The following NEB variants were observed in gnomAD, a reference collection of about 807,000 sequenced individuals.
NEB encodes nebulin.
NEB carries 512 observed loss-of-function variants against 952.2 expected under a neutral mutation model. That is an observed-to-expected ratio of 0.54 (90% CI 0.50 to 0.58). The LOEUF (loss-of-function observed/expected upper bound fraction) is 0.58, where lower values mean the gene tolerates loss of function less well. Ranked by LOEUF, NEB falls within the 20% of genes least tolerant of loss-of-function variation. The probability of loss-of-function intolerance (pLI) is 0.00; values close to 1 mark genes in which losing one functional copy is unlikely to be tolerated. For missense variants in NEB, 8,428 were observed against 9,231.1 expected (o/e 0.91, Z 3.56); for synonymous variants, 2,900 against 3,149.8 (o/e 0.92, Z 2.66).
rs2069565895 is a variant in NEB, at chr2:151,506,978, T to A, written c.23487A>T (p.Gly7829=). ...QYQCDLKNSK[G]KITVVQDTPE... is the part of the protein sequence containing the mutation. The stretch of plus-strand genomic sequence containing the variant: ...GCGTGTCTTGAACAACTGTAATTTT[T>A]CCTTTACTGTTTTTAAGGTCACACT... The change falls in exon 163 of 182, where the codon GGA becomes GGT. Residue 7829 remains glycine, a synonymous_variant. Coordinates refer to ENST00000397345, the MANE Select transcript of NEB (RefSeq NM_001164508.2). 3.7e-6 allele frequency: 6 copies of A among 1,610,430 alleles called. No homozygotes were observed. The highest frequency in any genetic ancestry group is 5.1e-6 in the Non-Finnish European group (6 of 1,177,568).
intron 120 of NEB, 65 bp downstream of exon 120, chr2:151,562,545 TG>T (rs1486340649): frequency 4.3e-6 from 6 of 1,410,248 alleles, no homozygotes; most frequent in Non-Finnish European, 4.8e-6. Context: ...CAGCCAGGGT[TG>T]GGGGGTAGCC....
chr2:151,664,722 C>A (rs761680491), intron 43 of NEB, 37 bp downstream of exon 43: 2 of 1,560,688 alleles, frequency 1.3e-6, no homozygotes, highest in South Asian at 1.1e-5. Flanking sequence ...TTCCCTTTAA[C>A]CTTCTCCCCA....
intron 178 of NEB, 55 bp downstream of exon 178, chr2:151,492,042 GT>G (rs963301280): frequency 1.3e-6 from 2 of 1,546,872 alleles, no homozygotes; most frequent in East Asian, 4.5e-5. Flanking sequence ...TGCTACTTTT[GT>G]TCTTCTACCC....
rs575377770 is a variant in NEB, at chr2:151,715,739, T to C, written c.822+1677A>G. 2.0e-5 allele frequency among the ~76,000 whole-genome samples: 3 copies of C among 152,320 alleles called. No homozygotes were observed. In the South Asian group the frequency reaches 6.2e-4, roughly 32 times the overall value. On this transcript the variant is annotated intron_variant, in intron 10 of 181. Transcript: ENST00000397345. ...TCTATTGTTTAAGCCACCCAATGTATGGTATTTTGTTGTAGAAGCCCAAGC... is the reference window on the plus strand; with the variant it reads ...TCTATTGTTTAAGCCACCCAATGTACGGTATTTTGTTGTAGAAGCCCAAGC...
rs190843599 is a variant in NEB, at chr2:151,650,546, T to A, written c.7227+28A>T. Reference sequence around the variant, plus strand: ...CTCATATAAAATATGAATTAATATATAAACTATTGGATTTAATAGAAACTG... The same window carrying A: ...CTCATATAAAATATGAATTAATATAAAAACTATTGGATTTAATAGAAACTG... On this transcript the variant is annotated intron_variant, in intron 53 of 181. Coordinates refer to ENST00000397345, the MANE Select transcript of NEB (RefSeq NM_001164508.2). 3.3e-6 allele frequency: 5 copies of A among 1,525,234 alleles called. No homozygotes were observed. The African/African-American group carries it at 7.0e-5, about 21-fold the overall frequency. The allele number at this position is 1,525,234 out of a possible 1,614,324, so 94.5% of individuals were successfully genotyped here.
chr2:151,730,616 G>GAAAAAA (rs869176689), intron 3 of NEB, among the ~76,000 whole-genome samples: 1 of 124,276 alleles, frequency 8.0e-6, no homozygotes, highest in East Asian at 2.6e-4. Flanking sequence ...ATTTCTTAGT[G>GAAAAAA]AAAAAAAAAA....
chr2:151,519,808 C>T, intron 153 of NEB, 40 bp from the exon 154 acceptor site: 1 of 1,363,332 alleles, frequency 7.3e-7, no homozygotes, highest in Non-Finnish European at 1.0e-6. Context: ...TCCTGGACAT[C>T]AATCAATTTG....
At position 151,501,462 on chromosome 2, in the gene NEB, T is replaced by C; in HGVS notation, c.23950A>G (p.Ser7984Gly). The change falls in exon 168 of 182, where the codon AGC becomes GGC. Residue 7984 changes from serine (S) to glycine (G), a missense_variant. Ser to Gly is a moderately conservative substitution (Grantham distance 56). Transcript: ENST00000397345. ...FSSILYKENL[S>G]KGTPLPVTPE... is the part of the protein sequence containing the mutation. ...GTGACAGGTAGGGGAGTCCCCTTGC[T>C]CAAGTTCTCTTTGTACAATATCTGT... is the stretch of plus-strand genomic sequence containing the variant. 1 of 1,529,288 alleles carries C rather than the reference T, an allele frequency of 6.5e-7. No individual in the cohort carries two copies. The highest frequency in any genetic ancestry group is 8.8e-7 in the Non-Finnish European group (1 of 1,135,264). The allele number at this position is 1,529,288 out of a possible 1,614,324, so 94.7% of individuals were successfully genotyped here. A position where few individuals can be genotyped will look rare whatever the true frequency, so the allele number is the denominator to read the frequency against.
Position 151,664,515 on chromosome 2 carries a change from C to G in NEB, c.5437G>C (p.Asp1813His). Residue 1813 changes from aspartate (D) to histidine (H), a missense_variant, in exon 44 of 182, where the codon GAC becomes CAC. Around this residue, in one of 11 missense-constraint regions of NEB, gnomAD observed 2,851 missense variants for 2,791.5 expected, o/e 1.02. Transcript: ENST00000397345. ...IAIKAARASR[D>H]IASDYKYKKA... The stretch of plus-strand genomic sequence containing the variant: ...CAAGCACTTACATCACTGGCAATGT[C>G]TCTAGAGGCTCTTGCAGCCTTTATT... 6.3e-7 allele frequency: 1 copy of G among 1,592,646 alleles called. No homozygotes were observed. Among genetic ancestry groups the G allele is most frequent in the South Asian group, 1.2e-5 (1 of 86,250 alleles).
At chr2:151,562,243 G>A (rs1275417782) in intron 120 of NEB, 29 bp from the exon 121 acceptor site, 5 of 1,517,156 alleles carry the variant, frequency 3.3e-6, no homozygotes, top group Admixed American at 3.3e-5. Context: ...AATGAAATGT[G>A]GAAGGTATTC....
intron 27 of NEB, among the ~76,000 whole-genome samples, chr2:151,685,298 A>T (rs1325710356): frequency 6.6e-6 from 1 of 152,182 alleles, no homozygotes; most frequent in East Asian, 1.9e-4. Flanking sequence ...ACTATTATTC[A>T]TGTAATTTAA....
At position 151,640,657 on chromosome 2, in the gene NEB, T is replaced by C. The variant is rs1488927834; in HGVS notation, c.8383A>G (p.Lys2795Glu). The change falls in exon 61 of 182, where the codon AAA (lysine) becomes GAA (glutamate). Residue 2795 changes from lysine to glutamate, a missense_variant. Transcript: ENST00000397345. ...CCGAGCTGCTTACGATAGCCTTCTT[T>C]GTACTTGAACTAAAAGAAGAAAAAG... ...SRDIASEFKY[K>E]EGYRKQLGHH... 3 of 1,609,992 alleles carry C rather than the reference T, an allele frequency of 1.9e-6. No homozygotes were observed. Among genetic ancestry groups the C allele is most frequent in the South Asian group, 2.2e-5 (2 of 90,924 alleles).
At chr2:151,709,896 T>C (rs979707049) in intron 11 of NEB, 133 bp from the exon 12 acceptor site, 3 of 656,382 alleles carry the variant, frequency 4.6e-6, no homozygotes, top group Non-Finnish European at 8.0e-6. Context: ...CAGATTACAA[T>C]TAGAGAATGT....
intron 130 of NEB, 67 bp from the exon 131 acceptor site, chr2:151,548,482 A>G (rs1235335945): frequency 6.3e-6 from 7 of 1,109,576 alleles, no homozygotes; most frequent in Admixed American, 1.7e-5. Flanking sequence ...ATTTCTCCAA[A>G]TAGAAAAGAG....
intron 36 of NEB, among the ~76,000 whole-genome samples, chr2:151,673,177 G>A (rs2154195007): frequency 6.6e-6 from 1 of 152,258 alleles, no homozygotes; most frequent in East Asian, 1.9e-4. Context: ...CTGCTGTGGG[G>A]TTTTCCCATC....
rs1428535709 is a variant in NEB at position 151,498,357 on chromosome 2, A to G, written c.24115-5T>C. The G allele has an allele frequency of 7.2e-6, 11 of 1,537,982 alleles. No homozygotes were observed. The highest frequency in any genetic ancestry group is 2.8e-5 in the African/African-American group (2 of 72,546). ...CAGGTTTTCTTTGTATAGCACCTGT[A>G]TGATGAGAAAGCATCCAGAACAAAA... is the stretch of plus-strand genomic sequence containing the variant. On this transcript the variant is annotated splice_polypyrimidine_tract_variant and splice_region_variant and intron_variant, in intron 169 of 181. Transcript: ENST00000397345.
chr2:151,629,715 CTT>C, intron 67 of NEB, 69 bp from the exon 68 acceptor site: 1 of 1,311,300 alleles, frequency 7.6e-7, no homozygotes, highest in Non-Finnish European at 1.1e-6. Flanking sequence ...TATTAAGTGA[CTT>C]ATATCCTAAA....
Position 151,618,247 on chromosome 2 carries a change from T to A in NEB, c.11076+28A>T, listed in dbSNP as rs749668960. The A allele has an allele frequency of 1.9e-6, 3 of 1,594,622 alleles. No homozygotes were observed. The Admixed American group carries it at 5.0e-5, about 27-fold the overall frequency. On this transcript the variant is annotated intron_variant, in intron 74 of 181. Transcript: ENST00000397345. ...TAAATTGTTCTGTGGTAACTTTCGG[T>A]ATCTAACAGTGAGGATTGAAGACTC...
Position 151,575,683 on chromosome 2 carries a change from T to C in NEB, c.17013+12A>G, listed in dbSNP as rs775864976. On this transcript the variant is annotated intron_variant, in intron 107 of 181. Transcript: ENST00000397345. ...CTTTCCAAACAAAAAGAGAGTCTGT[T>C]GTAGTACTTACATTGCTCACATTAA... 6.6e-7 allele frequency: 1 copy of C among 1,526,688 alleles called. No individual in the cohort carries two copies. The highest frequency in any genetic ancestry group is 9.1e-7 in the Non-Finnish European group (1 of 1,100,542). The allele number at this position is 1,526,688 out of a possible 1,614,324, so 94.6% of individuals were successfully genotyped here.
Sources: gnomAD v4.1 joint callset for allele counts (sites outside exome capture counted in the v4.1 genomes callset) on GRCh38, gnomAD v4.1.1 for gene constraint, gnomAD v4.1.1 regional missense constraint, MANE v1.5 for transcripts, NCBI Gene and HGNC (gene_info 2026-07-23, HGNC 2026-07-21) for gene names.